NR3C1: variants seen among roughly 807,000 people sequenced by gnomAD.
NR3C1 encodes the protein nuclear receptor subfamily 3 group C member 1.
NR3C1 carries 14 observed loss-of-function variants against 74.0 expected under a neutral mutation model. The observed-to-expected ratio is 0.19, with a 90% confidence interval of 0.12 to 0.30. The LOEUF (loss-of-function observed/expected upper bound fraction) is 0.30, where lower values mean the gene tolerates loss of function less well. Among genes scored for constraint, NR3C1 ranks in the 10% least tolerant of loss-of-function variants. NR3C1 has a pLI of 1.00. For synonymous variants in NR3C1, 308 were observed against 332.5 expected, an observed-to-expected ratio of 0.93 and a Z score of 0.80; for missense variants, 695 against 909.8, an observed-to-expected ratio of 0.76 and a Z score of 3.04.
chr5:143,362,866 G>A (rs1434190275), intron 2 of NR3C1, among the ~76,000 whole-genome samples: 1 of 152,170 alleles, frequency 6.6e-6, no homozygotes, highest in African/African-American at 2.4e-5. Context: ...CAACACACTA[G>A]TCTAAAGATT....
At chr5:143,295,295 C>CT in intron 7 of NR3C1, 165 bp downstream of exon 7, 15 of 985,264 alleles carry the variant, frequency 1.5e-5, no homozygotes, top group Non-Finnish European at 1.8e-5. Flanking sequence ...CTTGGTGTCA[C>CT]TTACTGTGCC....
intron 1 of NR3C1, among the ~76,000 whole-genome samples, chr5:143,425,331 G>T (rs537483273): frequency 6.6e-6 from 1 of 152,120 alleles, no homozygotes; most frequent in Non-Finnish European, 1.5e-5. Context: ...AATACCAAAA[G>T]CACAAGAAAA....
At chr5:143,340,977 C>T (rs1189741863) in intron 2 of NR3C1, among the ~76,000 whole-genome samples, 1 of 152,098 alleles carries the variant, frequency 6.6e-6, no homozygotes, top group Non-Finnish European at 1.5e-5. Flanking sequence ...TCTCCCTCCT[C>T]CCACCCTCAG....
At chr5:143,376,524 G>A (rs1835223328) in intron 2 of NR3C1, among the ~76,000 whole-genome samples, 1 of 152,194 alleles carries the variant, frequency 6.6e-6, no homozygotes, top group Non-Finnish European at 1.5e-5. Context: ...TTATTATAAT[G>A]TAACTAGTAC....
chr5:143,402,590 G>C (rs1045249434), intron 1 of NR3C1: 1 of 985,258 alleles, frequency 1.0e-6, no homozygotes, highest in African/African-American at 1.7e-5. Flanking sequence ...TAAAAGAGAA[G>C]TACGTCCAGA....
chr5:143,404,401 C>T (rs1056904448), upstream of NR3C1: 1 of 985,536 alleles, frequency 1.0e-6, no homozygotes, highest in Non-Finnish European at 1.2e-6. Flanking sequence ...AGTCGCGTGC[C>T]GGCAGGTCCC....
chr5:143,429,972 C>T (rs1751726900), intron 1 of NR3C1, among the ~76,000 whole-genome samples: 1 of 151,688 alleles, frequency 6.6e-6, no homozygotes, highest in Non-Finnish European at 1.5e-5. Flanking sequence ...ATCCCTGTTA[C>T]TCGGGAGGCT....
At chr5:143,373,088 G>A (rs1834499172) in intron 2 of NR3C1, among the ~76,000 whole-genome samples, 2 of 152,098 alleles carry the variant, frequency 1.3e-5, no homozygotes, top group South Asian at 4.1e-4. Flanking sequence ...TGCCACAAAT[G>A]TAAAAGACTA....
In NR3C1 at chr5:143,389,903, T is replaced by C; in HGVS notation, c.1184+9753A>G. ...CTGCCATGCTAGGATGGCTCTTCCT[T>C]CCCATTTCTTAGCTCTGAAAACTTA... On this transcript the variant is annotated intron_variant, in intron 2 of 8. Coordinates refer to ENST00000394464, the MANE Select transcript of NR3C1 (RefSeq NM_000176.3). 3.1e-6 allele frequency: 3 copies of C among 970,490 alleles called. 1 individual carries two copies. The South Asian group carries it at 1.4e-4, about 46-fold the overall frequency. The allele number at this position is 970,490 out of a possible 1,614,324, so 60.1% of individuals were successfully genotyped here.
chr5:143,387,300 T>C (rs1369449157), intron 2 of NR3C1, among the ~76,000 whole-genome samples: 2 of 152,208 alleles, frequency 1.3e-5, no homozygotes, highest in Non-Finnish European at 2.9e-5. Flanking sequence ...AAAAAAATTA[T>C]AAACGAAATC....
chr5:143,365,522 A>C (rs750595743), intron 2 of NR3C1, among the ~76,000 whole-genome samples: 1 of 152,228 alleles, frequency 6.6e-6, no homozygotes, highest in Non-Finnish European at 1.5e-5. Flanking sequence ...AAAATATATA[A>C]AGCAAAAAGT....
At chr5:143,339,898 G>T (rs1561610610) in intron 2 of NR3C1, among the ~76,000 whole-genome samples, 1 of 152,162 alleles carries the variant, frequency 6.6e-6, no homozygotes, top group Admixed American at 6.5e-5. Context: ...ATGGACCTGA[G>T]AGACAGTATC....
At chr5:143,394,893 C>T (rs1343079197) in intron 2 of NR3C1, among the ~76,000 whole-genome samples, 1 of 151,846 alleles carries the variant, frequency 6.6e-6, no homozygotes, top group Admixed American at 6.6e-5. Flanking sequence ...TCTATAGCAT[C>T]CCACATCTCT....
chr5:143,311,445 C>G (rs536737771), intron 3 of NR3C1, among the ~76,000 whole-genome samples: 1 of 152,316 alleles, frequency 6.6e-6, no homozygotes, highest in Non-Finnish European at 1.5e-5. Context: ...AGCTAAGACT[C>G]TGAGCTATAG....
intron 2 of NR3C1, among the ~76,000 whole-genome samples, chr5:143,362,586 C>T (rs1832483267): frequency 1.3e-5 from 2 of 152,110 alleles, no homozygotes; most frequent in African/African-American, 4.8e-5. Context: ...TGGTCTCAAT[C>T]TCCTGACCTT....
At chr5:143,332,627 A>C in intron 2 of NR3C1, 2 of 1,517,818 alleles carry the variant, frequency 1.3e-6, no homozygotes, top group Non-Finnish European at 8.9e-7. Context: ...GACAGAAGAA[A>C]GGAAAAGGGC....
intron 2 of NR3C1, among the ~76,000 whole-genome samples, chr5:143,334,718 C>T (rs1319644734): frequency 1.4e-5 from 2 of 144,322 alleles, no homozygotes; most frequent in Non-Finnish European, 3.1e-5. Flanking sequence ...TCACTTGTCT[C>T]TGCTGTGAAA....
At chr5:143,398,229 C>G (rs186451221) in intron 2 of NR3C1, among the ~76,000 whole-genome samples, 301 of 151,960 alleles carry the variant, frequency 2.0e-3, no homozygotes, top group African/African-American at 7.0e-3. Context: ...TCTCAAATCT[C>G]CTTACTGAAA....
intron 7 of NR3C1, among the ~76,000 whole-genome samples, chr5:143,291,517 C>A (rs1815947623): frequency 1.4e-5 from 1 of 72,206 alleles, no homozygotes; most frequent in Admixed American, 1.2e-4. Flanking sequence ...AGCCACCACG[C>A]CTGGCTGGGA....
Sources: gnomAD v4.1 joint callset for allele counts (sites outside exome capture counted in the v4.1 genomes callset) on GRCh38, gnomAD v4.1.1 for gene constraint, MANE v1.5 for transcripts, NCBI Gene and HGNC (gene_info 2026-07-23, HGNC 2026-07-21) for gene names.